The following APLF variants were observed in gnomAD, a reference collection of about 807,000 sequenced individuals.
APLF encodes the protein aprataxin and PNKP like factor.
In APLF, 61 loss-of-function variants were observed where a neutral mutation model predicts 55.6. The ratio of observed to expected loss-of-function variants is 1.10; its 90% CI spans 0.89 to 1.36. The LOEUF is 1.36. Ranked by LOEUF, APLF falls within the 40% of genes most tolerant of loss-of-function variation. APLF has a pLI of 0.00. For synonymous variants in APLF, 207 were observed against 214.8 expected, an observed-to-expected ratio of 0.96 and a Z score of 0.32; for missense variants, 611 against 602.5, an observed-to-expected ratio of 1.01 and a Z score of -0.15.
At chr2:68,503,325 G>A (rs1676779394) in intron 3 of APLF, among the ~76,000 whole-genome samples, 1 of 151,956 alleles carries the variant, frequency 6.6e-6, no homozygotes, top group East Asian at 1.9e-4. Flanking sequence ...AAAAATAGCA[G>A]AAAATATAGA....
chr2:68,578,767 A>T lies in APLF; in HGVS notation c.*745A>T. 1.0e-6 allele frequency: 1 copy of T among 985,292 alleles called. No homozygotes were observed. Among genetic ancestry groups the T allele is most frequent in the Non-Finnish European group, 1.2e-6 (1 of 829,848 alleles). The allele number at this position is 985,292 out of a possible 1,614,324, so 61.0% of individuals were successfully genotyped here. ...TTTTAACTCTCAGTGTGCTGTCTTT[A>T]TATTAAGAATAGAGAAACGACATAA... On this transcript the variant is annotated 3_prime_UTR_variant, in exon 10 of 10. Transcript: ENST00000303795.
chr2:68,521,594 CTG>C (rs1297019671), intron 5 of APLF, among the ~76,000 whole-genome samples: 1 of 151,886 alleles, frequency 6.6e-6, no homozygotes, highest in African/African-American at 2.4e-5. Context: ...CCAGTTATCT[CTG>C]TTCTTTCAGC....
chr2:68,571,794 T>C (rs1302079464), intron 9 of APLF, among the ~76,000 whole-genome samples: 1 of 152,204 alleles, frequency 6.6e-6, no homozygotes, highest in Admixed American at 6.5e-5. Flanking sequence ...TTGTTCCATA[T>C]GAACTTTAAA....
At chr2:68,551,088 T>G (rs930590908) in intron 8 of APLF, among the ~76,000 whole-genome samples, 9 of 152,140 alleles carry the variant, frequency 5.9e-5, no homozygotes, top group African/African-American at 2.2e-4. Flanking sequence ...AGTGTTCTTA[T>G]TTTAAATTTT....
intron 1 of APLF, among the ~76,000 whole-genome samples, chr2:68,485,100 T>C (rs1489967928): frequency 6.6e-6 from 1 of 152,130 alleles, no homozygotes; most frequent in East Asian, 1.9e-4. Flanking sequence ...ATAGCTATAT[T>C]CTGTTATTAT....
At chr2:68,513,814 GT>G in intron 5 of APLF, 134 bp downstream of exon 5, 6 of 974,992 alleles carry the variant, frequency 6.2e-6, no homozygotes, top group Admixed American at 3.0e-5. Flanking sequence ...GCCTAGCCTA[GT>G]TTTTTTAGTT....
At chr2:68,543,988 T>C (rs948120653) in intron 7 of APLF, among the ~76,000 whole-genome samples, 1 of 149,356 alleles carries the variant, frequency 6.7e-6, no homozygotes, top group Admixed American at 6.6e-5. Flanking sequence ...TTTCTTTTTT[T>C]TTTTTTTTTT....
At chr2:68,519,105 A>ATAATATATAATTAATATATAATAATATG (rs1669808565) in intron 5 of APLF, among the ~76,000 whole-genome samples, 3 of 112,448 alleles carry the variant, frequency 2.7e-5, no homozygotes, top group African/African-American at 1.4e-4. Context: ...ATAATAATAT[A>ATAATATATAATTAATATATAATAATATG]ATATATAATA....
intron 1 of APLF, among the ~76,000 whole-genome samples, chr2:68,479,363 A>G (rs1006373617): frequency 1.3e-5 from 2 of 152,240 alleles, no homozygotes; most frequent in Non-Finnish European, 2.9e-5. Flanking sequence ...ATGACTTCAC[A>G]GGTTTTATGA....
intron 2 of APLF, among the ~76,000 whole-genome samples, chr2:68,494,711 T>A (rs1340427386): frequency 6.6e-6 from 1 of 152,144 alleles, no homozygotes; most frequent in East Asian, 1.9e-4. Flanking sequence ...TGTCCATGTG[T>A]TCTCATCATT....
At chr2:68,557,434 A>C (rs987457341) in intron 8 of APLF, among the ~76,000 whole-genome samples, 2 of 152,220 alleles carry the variant, frequency 1.3e-5, no homozygotes, top group African/African-American at 4.8e-5. Flanking sequence ...TGTACACTTC[A>C]AGCTGCAAGA....
At chr2:68,557,155 A>T (rs192235998) in intron 8 of APLF, among the ~76,000 whole-genome samples, 6 of 152,298 alleles carry the variant, frequency 3.9e-5, no homozygotes, top group East Asian at 1.9e-4. Flanking sequence ...CAAGTCCCTT[A>T]TGTACAATAG....
At chr2:68,532,820 G>T (rs1670294135) in intron 6 of APLF, among the ~76,000 whole-genome samples, 1 of 152,164 alleles carries the variant, frequency 6.6e-6, no homozygotes, top group Admixed American at 6.5e-5. Flanking sequence ...CTCCTCTAAA[G>T]ATTTATGTTG....
intron 1 of APLF, among the ~76,000 whole-genome samples, chr2:68,483,576 A>G (rs928117520): frequency 2.6e-5 from 4 of 152,168 alleles, no homozygotes; most frequent in Non-Finnish European, 5.9e-5. Flanking sequence ...CTAGTCAGCC[A>G]TCTTTCTGAT....
At chr2:68,512,073 A>G (rs917710327) in intron 3 of APLF, among the ~76,000 whole-genome samples, 1 of 151,742 alleles carries the variant, frequency 6.6e-6, no homozygotes, top group South Asian at 2.1e-4. Flanking sequence ...TACACACAGT[A>G]GAGTTCATCC....
intron 5 of APLF, among the ~76,000 whole-genome samples, chr2:68,518,332 TAATA>T (rs1376191116): frequency 1.1e-4 from 13 of 113,378 alleles, no homozygotes; most frequent in African/African-American, 4.0e-4. Context: ...TATAATATAT[TAATA>T]AATAATTATA....
intron 8 of APLF, among the ~76,000 whole-genome samples, chr2:68,566,594 C>T (rs1174175761): frequency 6.6e-6 from 1 of 152,070 alleles, no homozygotes; most frequent in Non-Finnish European, 1.5e-5. Flanking sequence ...TAGTGTACCC[C>T]AGCTGTGCTT....
chr2:68,492,283 C>T (rs1676396018), intron 2 of APLF, among the ~76,000 whole-genome samples: 1 of 152,028 alleles, frequency 6.6e-6, no homozygotes, highest in South Asian at 2.1e-4. Flanking sequence ...TCGAGACCAT[C>T]CTGGCTAACA....
At chr2:68,483,574 C>T (rs1024945194) in intron 1 of APLF, among the ~76,000 whole-genome samples, 1 of 152,038 alleles carries the variant, frequency 6.6e-6, no homozygotes, top group African/African-American at 2.4e-5. Context: ...CTCTAGTCAG[C>T]CATCTTTCTG....
Sources: allele counts gnomAD v4.1 joint callset (sites outside exome capture counted in the v4.1 genomes callset), GRCh38; gene constraint gnomAD v4.1.1; transcripts MANE v1.5; gene names NCBI Gene and HGNC (gene_info 2026-07-23, HGNC 2026-07-21).